Variants in ADAMTS9 observed in about 807,000 individuals in gnomAD.
The protein encoded by ADAMTS9 is A disintegrin and metalloproteinase with thrombospondin motifs 9.
A neutral mutation model predicts 257.1 loss-of-function variants in ADAMTS9; 107 were observed. The ratio of observed to expected loss-of-function variants is 0.42; its 90% CI spans 0.36 to 0.49. ADAMTS9 has a LOEUF of 0.49. ADAMTS9 is among the 20% of genes least tolerant of loss of function. The pLI, the probability that ADAMTS9 is intolerant of heterozygous loss-of-function variation, is 0.03. For synonymous variants in ADAMTS9, 982 were observed against 880.9 expected, an observed-to-expected ratio of 1.11 and a Z score of -2.03; for missense variants, 2,353 against 2,469.1, an observed-to-expected ratio of 0.95 and a Z score of 1.00.
chr3:64,616,761 T>C (rs942627539), intron 19 of ADAMTS9, among the ~76,000 whole-genome samples: 1 of 152,182 alleles, frequency 6.6e-6, no homozygotes, highest in African/African-American at 2.4e-5. Context: ...AAATAGAATA[T>C]TCTAAATAAA....
chr3:64,674,993 C>A (rs1443393886), intron 3 of ADAMTS9, among the ~76,000 whole-genome samples: 1 of 152,166 alleles, frequency 6.6e-6, no homozygotes, highest in East Asian at 1.9e-4. Context: ...TTTCAGGCAC[C>A]AAGCAGCCTT....
At chr3:64,626,730 A>G (rs1700231096) in intron 16 of ADAMTS9, among the ~76,000 whole-genome samples, 1 of 152,216 alleles carries the variant, frequency 6.6e-6, no homozygotes, top group Non-Finnish European at 1.5e-5. Context: ...AGCCCAAGAA[A>G]GATCCCAACC....
chr3:64,551,702 G>A (rs1471197197), intron 30 of ADAMTS9, among the ~76,000 whole-genome samples: 1 of 152,186 alleles, frequency 6.6e-6, no homozygotes, highest in Non-Finnish European at 1.5e-5. Flanking sequence ...TACCAAGCTG[G>A]TGTCTAAATA....
At chr3:64,585,234 G>A (rs1484330107) in intron 28 of ADAMTS9, among the ~76,000 whole-genome samples, 5 of 152,154 alleles carry the variant, frequency 3.3e-5, no homozygotes, top group Non-Finnish European at 7.4e-5. Flanking sequence ...CTAAGAAAAA[G>A]GAAGCAAACA....
At chr3:64,551,180 T>G in intron 30 of ADAMTS9, 118 bp from the exon 31 acceptor site, 1 of 1,194,046 alleles carries the variant, frequency 8.4e-7, no homozygotes, top group Non-Finnish European at 1.2e-6. Context: ...AGGGCAGGGA[T>G]TGCCAGAGAA....
intron 28 of ADAMTS9, among the ~76,000 whole-genome samples, chr3:64,578,983 C>G (rs2083925896): frequency 6.6e-6 from 1 of 152,156 alleles, no homozygotes; most frequent in Non-Finnish European, 1.5e-5. Context: ...AATCCAGAAG[C>G]CAGAGTCAAC....
intron 3 of ADAMTS9, among the ~76,000 whole-genome samples, chr3:64,661,622 G>T (rs773875886): frequency 6.6e-6 from 1 of 152,106 alleles, no homozygotes; most frequent in Admixed American, 6.5e-5. Context: ...CAACAGCTAC[G>T]GTTTGAAATG....
At chr3:64,574,405 C>A (rs2083776840) in intron 28 of ADAMTS9, among the ~76,000 whole-genome samples, 1 of 151,642 alleles carries the variant, frequency 6.6e-6, no homozygotes, top group Admixed American at 6.6e-5. Flanking sequence ...GGTCATAGCA[C>A]CAGGAAGCAG....
rs1395681630 is a variant in ADAMTS9 at position 64,687,303 on chromosome 3, G to A, written c.115+240C>T. Reference sequence around the variant, plus strand: ...TTACTTTAGTTTGCGGCGTGGGAGTGGGGATGGGGATATATCTGGCAACAG... The same window carrying A: ...TTACTTTAGTTTGCGGCGTGGGAGTAGGGATGGGGATATATCTGGCAACAG... On this transcript the variant is annotated intron_variant, in intron 1 of 39. Transcript: ENST00000498707. The surrounding 1 kb of genome is among the most constrained non-coding windows in gnomAD (Gnocchi z 4.4). Among the ~76,000 whole-genome samples the A allele has an allele frequency of 2.0e-5, 3 of 152,208 alleles. No homozygotes were observed. Among genetic ancestry groups the A allele is most frequent in the Non-Finnish European group, 4.4e-5 (3 of 68,040 alleles).
chr3:64,615,551 G>A (rs2084746339), intron 20 of ADAMTS9, 66 bp from the exon 21 acceptor site: 1 of 1,482,550 alleles, frequency 6.7e-7, no homozygotes, highest in Non-Finnish European at 9.1e-7. Flanking sequence ...TGAAGATCCT[G>A]GCTATGTTGT....
At chr3:64,650,031 A>C in intron 9 of ADAMTS9, 1 of 396,954 alleles carries the variant, frequency 2.5e-6, no homozygotes, top group Non-Finnish European at 4.5e-6. Flanking sequence ...CGTTGATCAC[A>C]CTTCACAGCA....
chr3:64,675,440 G>T (rs947221090), intron 3 of ADAMTS9, among the ~76,000 whole-genome samples: 5 of 152,098 alleles, frequency 3.3e-5, no homozygotes. Flanking sequence ...ATCCCAGGGA[G>T]ATTCTGTCTC....
intron 38 of ADAMTS9, among the ~76,000 whole-genome samples, chr3:64,525,448 A>T (rs143015953): frequency 2.0e-5 from 3 of 152,206 alleles, no homozygotes; most frequent in African/African-American, 7.2e-5. Context: ...CCTACATTTT[A>T]GGATTTTTTG....
At chr3:64,532,821 C>T (rs1030284911) in intron 38 of ADAMTS9, among the ~76,000 whole-genome samples, 29 of 152,174 alleles carry the variant, frequency 1.9e-4, no homozygotes, top group Admixed American at 1.7e-3. Context: ...GTTCATAGAA[C>T]GAACCGCAAG....
chr3:64,549,023 C>T (rs914371423), intron 31 of ADAMTS9, among the ~76,000 whole-genome samples: 1 of 152,176 alleles, frequency 6.6e-6, no homozygotes, highest in Non-Finnish European at 1.5e-5. Flanking sequence ...CAGAGAAAAA[C>T]ACACAAAGAA....
At chr3:64,593,208 ATAGT>A (rs1470280591) in intron 28 of ADAMTS9, among the ~76,000 whole-genome samples, 2 of 152,176 alleles carry the variant, frequency 1.3e-5, no homozygotes, top group Non-Finnish European at 2.9e-5. Flanking sequence ...TAGTGATTAT[ATAGT>A]TAGTGTTACA....
intron 3 of ADAMTS9, among the ~76,000 whole-genome samples, chr3:64,668,325 C>T (rs1275731081): frequency 6.6e-6 from 1 of 152,154 alleles, no homozygotes; most frequent in African/African-American, 2.4e-5. Context: ...ATTATTTCAA[C>T]ATGTGACACT....
chr3:64,584,665 T>C (rs748224239), intron 28 of ADAMTS9, among the ~76,000 whole-genome samples: 20 of 152,140 alleles, frequency 1.3e-4, no homozygotes, highest in African/African-American at 3.1e-4. Flanking sequence ...TTCCAACTTA[T>C]AGAAAGATTG....
chr3:64,517,833 C>T (rs2082800127), intron 39 of ADAMTS9, among the ~76,000 whole-genome samples: 1 of 152,014 alleles, frequency 6.6e-6, no homozygotes, highest in African/African-American at 2.4e-5. Flanking sequence ...TGGATACCTG[C>T]TGATTTTTCC....
Sources: gnomAD v4.1 joint callset for allele counts (sites outside exome capture counted in the v4.1 genomes callset) on GRCh38, gnomAD v4.1.1 for gene constraint, Gnocchi (gnomAD v3.1) non-coding constraint, MANE v1.5 for transcripts, NCBI Gene and HGNC (gene_info 2026-07-23, HGNC 2026-07-21) for gene names.